The following FGF12 variants were observed in gnomAD, a reference collection of about 807,000 sequenced individuals.
FGF12 encodes fibroblast growth factor 12.
In FGF12, 14 loss-of-function variants were observed where a neutral mutation model predicts 23.6. The ratio of observed to expected loss-of-function variants is 0.59; its 90% confidence interval spans 0.39 to 0.93. The LOEUF is 0.93. Among genes scored for constraint, FGF12 ranks in the 40% least tolerant of loss-of-function variants. The pLI is 0.00. For missense variants in FGF12, 175 were observed against 217.8 expected (o/e 0.80, Z 1.24); for synonymous variants, 62 against 77.3 (o/e 0.80, Z 1.04).
intron 2 of FGF12, among the ~76,000 whole-genome samples, chr3:192,365,796 G>A (rs141254661): frequency 7.9e-5 from 12 of 152,020 alleles, no homozygotes; most frequent in African/African-American, 2.2e-4. Flanking sequence ...AGACGTTCCT[G>A]CCGGCTTGAC....
At position 192,376,563 on chromosome 3, in the gene FGF12, T is replaced by C. The variant is rs551876777; in HGVS notation, c.14-16025A>G. Among the ~76,000 whole-genome samples, 118 of 152,106 alleles carry C rather than the reference T, an allele frequency of 7.8e-4. 1 individual carries two copies. Among genetic ancestry groups the C allele is most frequent in the African/African-American group, 2.7e-3 (113 of 41,530 alleles). On this transcript the variant is annotated intron_variant, in intron 2 of 5. Transcript: ENST00000445105. ...TTTTAGTAGAGACGGGGTTGCTCCA[T>C]GTTGGTCAGGCTGGTCTCAAACTCC...
At chr3:192,410,154 G>C (rs1721150008) in intron 2 of FGF12, among the ~76,000 whole-genome samples, 1 of 152,044 alleles carries the variant, frequency 6.6e-6, no homozygotes, top group South Asian at 2.1e-4. Flanking sequence ...AGAGCGCCCA[G>C]GTGGGGCCGA....
chr3:192,275,248 G>A (rs1713706728), intron 4 of FGF12, among the ~76,000 whole-genome samples: 1 of 152,090 alleles, frequency 6.6e-6, no homozygotes, highest in African/African-American at 2.4e-5. Flanking sequence ...TTGTTTATTT[G>A]ACCTTTTAAG....
At chr3:192,181,678 T>G (rs1008342006) in intron 4 of FGF12, among the ~76,000 whole-genome samples, 2 of 149,454 alleles carry the variant, frequency 1.3e-5, no homozygotes, top group Non-Finnish European at 3.0e-5. Flanking sequence ...TTGCCCAGAC[T>G]GGAGTGCAGT....
chr3:192,582,353 T>G (rs988657176), intron 2 of FGF12, among the ~76,000 whole-genome samples: 1 of 152,284 alleles, frequency 6.6e-6, no homozygotes, highest in Non-Finnish European at 1.5e-5. Flanking sequence ...GGAGGGGAAC[T>G]CTAACTGAAA....
rs765209772 is a variant in FGF12 at position 192,727,219 on chromosome 3, G to A, written c.-26C>T. On this transcript the variant is annotated 5_prime_UTR_variant, in exon 2 of 6. Coordinates refer to ENST00000445105, the MANE Select transcript of FGF12 (RefSeq NM_004113.6). ...TTCGGTCCCTTTCGAGTGCTGGGAA[G>A]TTCAATGGAAGTTGGCCGGAAGATG... 7.6e-6 allele frequency: 12 copies of A among 1,575,882 alleles called. No individual in the cohort carries two copies. In the East Asian group the frequency reaches 1.6e-4, roughly 21 times the overall value.
At position 192,279,230 on chromosome 3, in the gene FGF12, G is replaced by GTATATATATATATATA. The variant is rs59504943; in HGVS notation, c.228+56115_228+56130dup. 9.7e-3 allele frequency among the ~76,000 whole-genome samples: 1,273 copies of GTATATATATATATATA among 131,780 alleles called. 20 individuals carry two copies. The highest frequency in any genetic ancestry group is 0.024 in the African/African-American group (783 of 32,384). The allele number at this position is 131,780 out of a possible 152,430, so 86.5% of individuals were successfully genotyped here. On this transcript the variant is annotated intron_variant, in intron 4 of 5. Coordinates refer to ENST00000445105, the MANE Select transcript of FGF12 (RefSeq NM_004113.6). ...TAAGTCATGCTTGGTTAATGTATGA[G>GTATATATATATATATA]TATATATATATATATATATATATAA...
intron 2 of FGF12, among the ~76,000 whole-genome samples, chr3:192,488,283 G>C (rs986532026): frequency 4.0e-5 from 6 of 151,856 alleles, no homozygotes; most frequent in African/African-American, 1.5e-4. Flanking sequence ...AAATATCTGG[G>C]GAATATTTCC....
At chr3:192,349,733 C>T (rs1718126950) in intron 3 of FGF12, among the ~76,000 whole-genome samples, 1 of 152,142 alleles carries the variant, frequency 6.6e-6, no homozygotes, top group Admixed American at 6.5e-5. Flanking sequence ...AAATAATTTC[C>T]TTACTCATCC....
chr3:192,257,307 G>A (rs890631615), intron 4 of FGF12, among the ~76,000 whole-genome samples: 2 of 152,018 alleles, frequency 1.3e-5, no homozygotes, highest in Admixed American at 6.6e-5. Context: ...TTTTGCCACC[G>A]TGTTATTTAG....
intron 2 of FGF12, among the ~76,000 whole-genome samples, chr3:192,400,461 C>T (rs1246613198): frequency 6.6e-5 from 10 of 151,340 alleles, no homozygotes; most frequent in South Asian, 4.2e-4. Context: ...TTCCGCCTCC[C>T]GGGTTCAAAT....
Position 192,522,221 on chromosome 3 carries a change from A to AC in FGF12, c.14-161684dup, listed in dbSNP as rs377095889. On this transcript the variant is annotated intron_variant, in intron 2 of 5. Coordinates refer to ENST00000445105, the MANE Select transcript of FGF12 (RefSeq NM_004113.6). ...TCAAAAAAAAAAAAAACAAAAAAAA[A>AC]CGGGGGGGACTTTTTTGTGATTTTC... Among the ~76,000 whole-genome samples, 1,168 of 149,604 alleles carry AC rather than the reference A, an allele frequency of 7.8e-3. 17 individuals carry two copies. Among genetic ancestry groups the AC allele is most frequent in the African/African-American group, 0.027 (1,112 of 40,734 alleles).
chr3:192,639,380 G>A (rs887313233), intron 2 of FGF12, among the ~76,000 whole-genome samples: 9 of 152,320 alleles, frequency 5.9e-5, no homozygotes, highest in East Asian at 1.9e-4. Flanking sequence ...AACCATTATC[G>A]AAAGCAGTAT....
At chr3:192,679,373 G>A (rs904380375) in intron 2 of FGF12, among the ~76,000 whole-genome samples, 3 of 152,102 alleles carry the variant, frequency 2.0e-5, no homozygotes, top group Non-Finnish European at 2.9e-5. Flanking sequence ...CAAGACAGGT[G>A]GATCACTTGA....
intron 4 of FGF12, among the ~76,000 whole-genome samples, chr3:192,307,973 G>A (rs1211231500): frequency 6.6e-6 from 1 of 152,078 alleles, no homozygotes; most frequent in Non-Finnish European, 1.5e-5. Flanking sequence ...CAAAAATATA[G>A]TCTGTTTGTA....
chr3:192,155,310 G>C (rs1026583457), intron 5 of FGF12, among the ~76,000 whole-genome samples: 1 of 152,206 alleles, frequency 6.6e-6, no homozygotes, highest in East Asian at 1.9e-4. Flanking sequence ...GACCGGAGCT[G>C]TTCCTATTCG....
At chr3:192,443,975 G>T (rs932887019) in intron 2 of FGF12, among the ~76,000 whole-genome samples, 2 of 152,146 alleles carry the variant, frequency 1.3e-5, no homozygotes, top group Admixed American at 1.3e-4. Context: ...GGCTTATCCA[G>T]GACTTACAGA....
At chr3:192,659,380 G>A (rs1716567160) in intron 2 of FGF12, among the ~76,000 whole-genome samples, 2 of 152,152 alleles carry the variant, frequency 1.3e-5, no homozygotes, top group Non-Finnish European at 2.9e-5. Flanking sequence ...TGTATAAGAT[G>A]AGCATGTGGC....
intron 2 of FGF12, among the ~76,000 whole-genome samples, chr3:192,375,924 T>C (rs985476300): frequency 5.9e-5 from 9 of 152,230 alleles, no homozygotes; most frequent in African/African-American, 2.2e-4. Flanking sequence ...CTGTCTTTTC[T>C]CTCTGACTTC....
Sources: allele counts gnomAD v4.1 joint callset (sites outside exome capture counted in the v4.1 genomes callset), GRCh38; gene constraint gnomAD v4.1.1; transcripts MANE v1.5; gene names NCBI Gene and HGNC (gene_info 2026-07-23, HGNC 2026-07-21).